PREX1: variants seen among roughly 807,000 people sequenced by gnomAD.
PREX1 encodes the protein phosphatidylinositol 3,4,5-trisphosphate-dependent Rac exchanger 1 protein.
PREX1 carries 41 observed loss-of-function variants against 198.3 expected under a neutral mutation model. The observed-to-expected ratio is 0.21, with a 90% CI of 0.16 to 0.27. The LOEUF (loss-of-function observed/expected upper bound fraction) is 0.27. Among genes scored for constraint, PREX1 ranks in the 10% least tolerant of loss-of-function variants. PREX1 has a pLI of 1.00. For missense variants in PREX1, 1,620 were observed against 2,200.7 expected, an observed-to-expected ratio of 0.74 and a Z score of 5.28; for synonymous variants, 843 against 887.2, an observed-to-expected ratio of 0.95 and a Z score of 0.89.
At chr20:48,748,014 G>A (rs2090117280) in intron 1 of PREX1, 134 bp from the exon 2 acceptor site, 3 of 780,570 alleles carry the variant, frequency 3.8e-6, no homozygotes, top group Non-Finnish European at 6.4e-6. Context: ...ACAGGCAGAG[G>A]ACGAGGAAAA....
chr20:48,706,378 G>A (rs1285903849), intron 6 of PREX1, among the ~76,000 whole-genome samples: 2 of 152,136 alleles, frequency 1.3e-5, no homozygotes, highest in Non-Finnish European at 2.9e-5. Flanking sequence ...ACTTATGTAT[G>A]TTGCTCTTTT....
Position 48,734,886 on chromosome 20 carries a change from C to A in PREX1, c.415-236G>T, listed in dbSNP as rs558635978. On this transcript the variant is annotated intron_variant, in intron 3 of 39. Coordinates refer to ENST00000371941, the MANE Select transcript of PREX1 (RefSeq NM_020820.4). ...ATAACTTTTTGGGAAGCAGTGTGGC[C>A]TGGGGGTCAAGAGCATAGACTCAAG... Among the ~76,000 whole-genome samples the A allele has an allele frequency of 1.1e-4, 17 of 152,294 alleles. No individual in the cohort carries two copies. The South Asian group carries it at 3.5e-3, about 32-fold the overall frequency.
the PREX1 span, among the ~76,000 whole-genome samples, chr20:48,842,928 C>T: frequency 1.3e-5 from 2 of 152,190 alleles, no homozygotes; most frequent in African/African-American, 4.8e-5. Context: ...GGTTTTTCAT[C>T]TATTTTGCTC....
In PREX1 at chr20:48,661,527, A is replaced by ACGTG. The variant is rs1555832850; in HGVS notation, c.1739-1467_1739-1466insCACG. 1.5e-3 allele frequency among the ~76,000 whole-genome samples: 185 copies of ACGTG among 121,240 alleles called. 2 individuals are homozygous for ACGTG. Among genetic ancestry groups the ACGTG allele is most frequent in the African/African-American group, 5.7e-3 (178 of 31,018 alleles). 79.5% of individuals were successfully genotyped at this position (121,240 alleles called of 152,430 possible). On this transcript the variant is annotated intron_variant, in intron 15 of 39. Coordinates refer to ENST00000371941, the MANE Select transcript of PREX1 (RefSeq NM_020820.4). Reference sequence around the variant, plus strand: ...GTATATAACATATATAATATATATAATGTGTGTGTGTGTGTGTATATATAT... The same window carrying ACGTG: ...GTATATAACATATATAATATATATAACGTGTGTGTGTGTGTGTGTGTATATATAT...
intron 1 of PREX1, among the ~76,000 whole-genome samples, chr20:48,814,456 A>T (rs1353329220): frequency 6.6e-6 from 1 of 152,194 alleles, no homozygotes; most frequent in African/African-American, 2.4e-5. Flanking sequence ...TGAAAGAGAA[A>T]GGGGGGTCCT....
chr20:48,829,865 G>A (rs184668312), upstream of PREX1, among the ~76,000 whole-genome samples: 7 of 152,258 alleles, frequency 4.6e-5, no homozygotes, highest in African/African-American at 1.7e-4. Flanking sequence ...ATTTCTCTGG[G>A]CCTCAGTCGT....
chr20:48,739,821 C>T (rs1232463662), intron 3 of PREX1, among the ~76,000 whole-genome samples: 2 of 152,198 alleles, frequency 1.3e-5, no homozygotes, highest in Admixed American at 1.3e-4. Context: ...TGTAAGCTTG[C>T]CCTATAACTT....
At chr20:48,743,486 C>T (rs183750285) in intron 3 of PREX1, among the ~76,000 whole-genome samples, 264 of 152,292 alleles carry the variant, frequency 1.7e-3, no homozygotes, top group Admixed American at 3.0e-3. Context: ...AGCCAAAGGG[C>T]CTGTGGACCA....
chr20:48,654,081 C>A (rs570401596), intron 19 of PREX1, among the ~76,000 whole-genome samples: 1 of 152,336 alleles, frequency 6.6e-6, no homozygotes, highest in South Asian at 2.1e-4. Flanking sequence ...CCAAGTACAG[C>A]CCCTGGGGAC....
the PREX1 span, among the ~76,000 whole-genome samples, chr20:48,865,891 T>C: frequency 6.6e-6 from 1 of 151,830 alleles, no homozygotes; most frequent in Non-Finnish European, 1.5e-5. Flanking sequence ...CTGGGAAAAC[T>C]GGGAGACGGG....
At chr20:48,866,254 A>T in the PREX1 span, among the ~76,000 whole-genome samples, 38 of 152,182 alleles carry the variant, frequency 2.5e-4, no homozygotes, top group African/African-American at 8.7e-4. Flanking sequence ...AAAAAATATT[A>T]TTTAAAATAG....
intron 7 of PREX1, 105 bp downstream of exon 7, chr20:48,700,648 C>T: frequency 6.8e-7 from 1 of 1,477,022 alleles, no homozygotes; most frequent in African/African-American, 1.4e-5. Flanking sequence ...GAACAAACCC[C>T]TCAACTCACA....
At chr20:48,709,197 AC>A (rs1262311570) in intron 5 of PREX1, among the ~76,000 whole-genome samples, 2 of 152,132 alleles carry the variant, frequency 1.3e-5, no homozygotes, top group African/African-American at 2.4e-5. Flanking sequence ...AGGCCAAATT[AC>A]CCAAATCACC....
the PREX1 span, among the ~76,000 whole-genome samples, chr20:48,884,411 G>A: frequency 6.6e-6 from 1 of 152,162 alleles, no homozygotes; most frequent in African/African-American, 2.4e-5. Context: ...TATTACAATG[G>A]AACCAAAATA....
rs924307951 is a variant in PREX1, at chr20:48,625,411, G to C, written c.*474C>G. 6.5e-6 allele frequency: 1 copy of C among 154,504 alleles called. No individual in the cohort carries two copies. Among genetic ancestry groups the C allele is most frequent in the African/African-American group, 2.4e-5 (1 of 41,492 alleles). The allele number at this position is 154,504 out of a possible 1,614,324, so 9.6% of individuals were successfully genotyped here. ...AAGTCTTTTCCAAGTCCACCAAGCA[G>C]GTTAGTACAGGGTTAGGGTGAACCT... On this transcript the variant is annotated 3_prime_UTR_variant, in exon 40 of 40. Coordinates refer to ENST00000371941, the MANE Select transcript of PREX1 (RefSeq NM_020820.4).
rs375868814 is a variant in PREX1, at chr20:48,636,504, C to T, written c.4126G>A (p.Val1376Ile). The T allele has an allele frequency of 4.4e-5, 71 of 1,609,308 alleles. No homozygotes were observed. In the East Asian group the frequency reaches 5.4e-4, roughly 12 times the overall value. ...KWLEQVAATG[V>I]LLHCQSLLSP... is the part of the protein sequence containing the mutation. ...AGCAGGGACTGGCAGTGCAGCAGGACGCCCGTGGCCGCCACCTGCTCCAGC... is the reference window on the plus strand; with the variant it reads ...AGCAGGGACTGGCAGTGCAGCAGGATGCCCGTGGCCGCCACCTGCTCCAGC... The change falls in exon 32 of 40, where the codon GTC (valine) becomes ATC (isoleucine). Residue 1376 changes from valine to isoleucine, a missense_variant. Physicochemically the swap from Val to Ile is conservative, Grantham distance 29. Transcript: ENST00000371941.
At chr20:48,715,416 C>T (rs528068196) in intron 5 of PREX1, among the ~76,000 whole-genome samples, 1 of 152,332 alleles carries the variant, frequency 6.6e-6, no homozygotes, top group East Asian at 1.9e-4. Flanking sequence ...ATGCCTTATT[C>T]TAGCTCAAAC....
chr20:48,686,904 T>C (rs12480074), intron 10 of PREX1, among the ~76,000 whole-genome samples: 23,327 of 152,214 alleles, frequency 0.15, 2,150 homozygotes, highest in Middle Eastern at 0.27. Context: ...CCAACATCCA[T>C]ACTGCACCCT....
At chr20:48,751,268 A>C (rs1167759915) in intron 1 of PREX1, among the ~76,000 whole-genome samples, 4 of 152,162 alleles carry the variant, frequency 2.6e-5, no homozygotes, top group Non-Finnish European at 5.9e-5. Context: ...ACTGACAGGA[A>C]GTCAAGCTCC....
Sources: allele counts gnomAD v4.1 joint callset (sites outside exome capture counted in the v4.1 genomes callset), GRCh38; gene constraint gnomAD v4.1.1; transcripts MANE v1.5; gene names NCBI Gene and HGNC (gene_info 2026-07-23, HGNC 2026-07-21).